NELL1: variants seen among roughly 807,000 people sequenced by gnomAD.
NELL1 encodes neural EGFL like 1, also known as protein kinase C-binding protein NELL1.
Under a neutral mutation model 107.4 loss-of-function variants are expected in NELL1, and 76 were observed. The observed-to-expected ratio is 0.71, with a 90% confidence interval of 0.59 to 0.86. The LOEUF is 0.86. NELL1 is among the 40% of genes least tolerant of loss of function. The probability of loss-of-function intolerance (pLI) is 0.00; values close to 1 mark genes in which losing one functional copy is unlikely to be tolerated. For missense variants in NELL1, 1,024 were observed against 1,005.5 expected (o/e 1.02, Z -0.25); for synonymous variants, 353 against 341.2 (o/e 1.03, Z -0.38).
chr11:21,375,660 T>A (rs1415425235), intron 15 of NELL1, among the ~76,000 whole-genome samples: 5 of 152,156 alleles, frequency 3.3e-5, no homozygotes, highest in African/African-American at 1.2e-4. Context: ...TAATTTACAT[T>A]CCCACCAACA....
In NELL1 at chr11:20,961,294, G is replaced by C. The variant is rs540618567; in HGVS notation, c.1300+734G>C. On this transcript the variant is annotated intron_variant, in intron 12 of 19. Coordinates refer to ENST00000357134, the MANE Select transcript of NELL1 (RefSeq NM_006157.5). ...AGAGGAGTGGGAGTTAGTTCGACCT[G>C]GTCTGTATGTATAGTACCATAATAT... Among the ~76,000 whole-genome samples, 6 of 152,208 alleles carry C rather than the reference G, an allele frequency of 3.9e-5. No homozygotes were observed. The East Asian group carries it at 1.2e-3, about 29-fold the overall frequency.
chr11:20,913,659 G>A (rs1850182784), intron 5 of NELL1, among the ~76,000 whole-genome samples: 1 of 151,726 alleles, frequency 6.6e-6, no homozygotes, highest in Non-Finnish European at 1.5e-5. Context: ...GGCAACAGGT[G>A]GATTAAACAA....
At chr11:21,302,936 C>G (rs1244704232) in intron 14 of NELL1, among the ~76,000 whole-genome samples, 1 of 151,730 alleles carries the variant, frequency 6.6e-6, no homozygotes, top group East Asian at 1.9e-4. Context: ...CAGCACATGC[C>G]TGTGGTCCTA....
intron 13 of NELL1, among the ~76,000 whole-genome samples, chr11:21,206,264 C>T (rs565941953): frequency 6.6e-6 from 1 of 152,242 alleles, no homozygotes; most frequent in Non-Finnish European, 1.5e-5. Context: ...GTGGTAGCAT[C>T]GGTCCAATCT....
chr11:20,679,679 C>A (rs1297309119), intron 2 of NELL1, among the ~76,000 whole-genome samples: 1 of 152,086 alleles, frequency 6.6e-6, no homozygotes, highest in Non-Finnish European at 1.5e-5. Context: ...GAGTCTTAAT[C>A]CATCATAGCA....
At chr11:21,453,774 C>T (rs975306148) in intron 15 of NELL1, among the ~76,000 whole-genome samples, 1 of 148,936 alleles carries the variant, frequency 6.7e-6, no homozygotes. Context: ...TCACTATTAG[C>T]TTGTTAGCTA....
At chr11:20,948,147 A>G (rs528377304) in intron 11 of NELL1, among the ~76,000 whole-genome samples, 2 of 152,158 alleles carry the variant, frequency 1.3e-5, no homozygotes, top group South Asian at 2.1e-4. Flanking sequence ...GGCCCAAGCA[A>G]TCCTCCTGCC....
rs772357355 is a variant in NELL1 at position 20,847,675 on chromosome 11, G to T, written c.428G>T (p.Arg143Leu). Reference sequence around the variant, plus strand: ...CCAAGGACAGAGGCACTTCCTTACCGCATGGCAGATGGACAATGGCACAAG... The same window carrying T: ...CCAAGGACAGAGGCACTTCCTTACCTCATGGCAGATGGACAATGGCACAAG... ...GKPRTEALPY[R>L]MADGQWHKVA... The change falls in exon 4 of 20, where the codon CGC becomes CTC. Residue 143 changes from arginine (R) to leucine (L), a missense_variant. By Grantham distance (102) the Arg-to-Leu change is moderately radical. Coordinates refer to ENST00000357134, the MANE Select transcript of NELL1 (RefSeq NM_006157.5). 4.2e-5 allele frequency: 67 copies of T among 1,613,602 alleles called. No individual in the cohort carries two copies. Among genetic ancestry groups the T allele is most frequent in the Non-Finnish European group, 5.3e-5 (63 of 1,179,824 alleles).
intron 14 of NELL1, among the ~76,000 whole-genome samples, chr11:21,305,633 C>T (rs1849588729): frequency 6.6e-6 from 1 of 151,228 alleles, no homozygotes; most frequent in Admixed American, 6.6e-5. Flanking sequence ...GTGTATACTA[C>T]ATATCTAGAC....
intron 18 of NELL1, among the ~76,000 whole-genome samples, chr11:21,572,903 G>T (rs1857134779): frequency 6.6e-6 from 1 of 151,866 alleles, no homozygotes; most frequent in Non-Finnish European, 1.5e-5. Flanking sequence ...TGCTAATTAT[G>T]ATATAAGTAT....
At chr11:21,398,362 A>T (rs1221197466) in intron 15 of NELL1, among the ~76,000 whole-genome samples, 1 of 151,704 alleles carries the variant, frequency 6.6e-6, no homozygotes, top group Non-Finnish European at 1.5e-5. Context: ...TATTCTGGCA[A>T]TCTGAAAACC....
rs527799351 is a variant in NELL1, at chr11:21,306,123, T to C, written c.1550-64730T>C. Among the ~76,000 whole-genome samples, 24 of 152,096 alleles carry C rather than the reference T, an allele frequency of 1.6e-4. No homozygotes were observed. The South Asian group carries it at 1.9e-3, about 12-fold the overall frequency. On this transcript the variant is annotated intron_variant, in intron 14 of 19. Coordinates refer to ENST00000357134, the MANE Select transcript of NELL1 (RefSeq NM_006157.5). ...TTCTCTGAAATGCCTGCTCATGCCA[T>C]TGGATATTTTATCTTTTGGAGCCTG...
At chr11:20,786,817 G>C (rs1302644685) in intron 3 of NELL1, among the ~76,000 whole-genome samples, 1 of 151,754 alleles carries the variant, frequency 6.6e-6, no homozygotes, top group Non-Finnish European at 1.5e-5. Flanking sequence ...GACCATCCTG[G>C]CTAACACGGT....
chr11:20,706,195 C>G (rs1854948364), intron 2 of NELL1, among the ~76,000 whole-genome samples: 2 of 152,146 alleles, frequency 1.3e-5, no homozygotes, highest in African/African-American at 4.8e-5. Context: ...ATAAATCATG[C>G]TGCTATAAAG....
chr11:20,792,642 A>G (rs1268221685), intron 3 of NELL1, among the ~76,000 whole-genome samples: 1 of 151,986 alleles, frequency 6.6e-6, no homozygotes, highest in Admixed American at 6.6e-5. Context: ...CCTTTTATCT[A>G]TTAACATAAG....
rs192739103 is a variant in NELL1 at position 21,478,080 on chromosome 11, C to T, written c.1646-56294C>T. On this transcript the variant is annotated intron_variant, in intron 15 of 19. Transcript: ENST00000357134. ...ACTCAGTTCCTCATTGCTGGGGAGGCCCCAGGAAAATTCTAAGCATGGTGG... is the reference window on the plus strand; with the variant it reads ...ACTCAGTTCCTCATTGCTGGGGAGGTCCCAGGAAAATTCTAAGCATGGTGG... 3.9e-4 allele frequency among the ~76,000 whole-genome samples: 59 copies of T among 151,992 alleles called. 1 individual carries two copies. Among genetic ancestry groups the T allele is most frequent in the Non-Finnish European group, 4.6e-4 (31 of 67,976 alleles).
At position 20,809,556 on chromosome 11, in the gene NELL1, C is replaced by G. The variant is rs183779432; in HGVS notation, c.335+25726C>G. 4.6e-5 allele frequency among the ~76,000 whole-genome samples: 7 copies of G among 152,132 alleles called. No homozygotes were observed. In the East Asian group the frequency reaches 1.4e-3, roughly 29 times the overall value. On this transcript the variant is annotated intron_variant, in intron 3 of 19. Transcript: ENST00000357134. ...TCTCCTTTTCCCATAATCTGGTAAC[C>G]ACTCTTCTACTCTCTACTTCTCTGT...
chr11:21,321,394 C>A (rs966577451), intron 14 of NELL1, among the ~76,000 whole-genome samples: 1 of 151,666 alleles, frequency 6.6e-6, no homozygotes, highest in Non-Finnish European at 1.5e-5. Flanking sequence ...GGGGGCATTG[C>A]TAGAGGGTGG....
At chr11:20,966,043 A>C (rs1182371915) in intron 12 of NELL1, among the ~76,000 whole-genome samples, 2 of 152,150 alleles carry the variant, frequency 1.3e-5, no homozygotes, top group Admixed American at 6.6e-5. Flanking sequence ...TACATAGCCC[A>C]GTTTCTTCTC....
Sources: gnomAD v4.1 joint callset for allele counts (sites outside exome capture counted in the v4.1 genomes callset) on GRCh38, gnomAD v4.1.1 for gene constraint, MANE v1.5 for transcripts, NCBI Gene and HGNC (gene_info 2026-07-23, HGNC 2026-07-21) for gene names.